Variants in KLHL3 observed in about 807,000 individuals in gnomAD.
KLHL3 encodes kelch like family member 3.
A neutral mutation model predicts 70.5 loss-of-function variants in KLHL3; 19 were observed. That is an observed-to-expected ratio of 0.27 (90% CI 0.19 to 0.40). The LOEUF (loss-of-function observed/expected upper bound fraction) is 0.40, where lower values mean the gene tolerates loss of function less well. KLHL3 is among the 10% of genes least tolerant of loss of function. The pLI is 1.00. For synonymous variants in KLHL3, 258 were observed against 290.3 expected, an observed-to-expected ratio of 0.89 and a Z score of 1.13; for missense variants, 512 against 771.1, an observed-to-expected ratio of 0.66 and a Z score of 3.98.
At chr5:137,678,409 A>G (rs1161659867) in intron 5 of KLHL3, among the ~76,000 whole-genome samples, 2 of 152,218 alleles carry the variant, frequency 1.3e-5, no homozygotes, top group African/African-American at 4.8e-5. Context: ...TCATCCTGCT[A>G]TTAGAGAATT....
intron 3 of KLHL3, chr5:137,707,516 T>C (rs1752708581): frequency 6.5e-6 from 1 of 154,102 alleles, no homozygotes; most frequent in Admixed American, 6.5e-5. Flanking sequence ...TTTATAAATA[T>C]AAAATCTAAA....
At chr5:137,655,166 A>G (rs2149894298) in intron 8 of KLHL3, among the ~76,000 whole-genome samples, 1 of 152,374 alleles carries the variant, frequency 6.6e-6, no homozygotes, top group South Asian at 2.1e-4. Context: ...TGTCACAGAC[A>G]GAAGACCAGC....
intron 8 of KLHL3, among the ~76,000 whole-genome samples, chr5:137,655,711 C>CA (rs1223076879): frequency 6.6e-6 from 1 of 152,152 alleles, no homozygotes; most frequent in Non-Finnish European, 1.5e-5. Context: ...AGGCCAGGCA[C>CA]AGTGGCTCAC....
intron 1 of KLHL3, among the ~76,000 whole-genome samples, chr5:137,723,207 T>C (rs1753030718): frequency 6.6e-6 from 1 of 152,234 alleles, no homozygotes; most frequent in Admixed American, 6.5e-5. Context: ...GTCTGATATC[T>C]GACAGGGAAA....
At chr5:137,697,827 C>T (rs2149921650) in intron 4 of KLHL3, among the ~76,000 whole-genome samples, 1 of 152,258 alleles carries the variant, frequency 6.6e-6, no homozygotes, top group African/African-American at 2.4e-5. Context: ...GCAAAGAGAG[C>T]TGGTTCCAAT....
chr5:137,711,916 G>A (rs1250281769), intron 2 of KLHL3, among the ~76,000 whole-genome samples: 1 of 151,886 alleles, frequency 6.6e-6, no homozygotes, highest in African/African-American at 2.4e-5. Context: ...CACTTTGGGA[G>A]GCTGAGGAAG....
At chr5:137,640,682 T>C (rs1241469996) in intron 8 of KLHL3, among the ~76,000 whole-genome samples, 1 of 151,752 alleles carries the variant, frequency 6.6e-6, no homozygotes, top group African/African-American at 2.4e-5. Flanking sequence ...CAGCTAAGAG[T>C]GTAGGCAGAG....
chr5:137,654,408 G>A (rs1473607264), intron 8 of KLHL3, among the ~76,000 whole-genome samples: 1 of 152,136 alleles, frequency 6.6e-6, no homozygotes. Context: ...TACTTAACTG[G>A]GCAAATTTCT....
In KLHL3 at chr5:137,620,725, C is replaced by T. The variant is rs1750273187; in HGVS notation, c.*1373G>A. ...TTAATAATTTTTACCTGTGAATTAG[C>T]AAAGCTCTCACCAAGCTCCCTTTTT... On this transcript the variant is annotated 3_prime_UTR_variant, in exon 15 of 15. Transcript: ENST00000309755. 6.6e-6 allele frequency: 1 copy of T among 152,180 alleles called. No individual in the cohort carries two copies. Among genetic ancestry groups the T allele is most frequent in the Non-Finnish European group, 1.5e-5 (1 of 68,032 alleles). The allele number at this position is 152,180 out of a possible 1,614,324, so 9.4% of individuals were successfully genotyped here.
intron 10 of KLHL3, 25 bp from the exon 11 acceptor site, chr5:137,637,420 C>T (rs1750796091): frequency 2.5e-6 from 4 of 1,603,628 alleles, no homozygotes; most frequent in East Asian, 4.5e-5. Flanking sequence ...ACTCATGAGA[C>T]TTCCGTGGCA....
chr5:137,655,207 A>T (rs1454916657), intron 8 of KLHL3, among the ~76,000 whole-genome samples: 1 of 152,238 alleles, frequency 6.6e-6, no homozygotes, highest in African/African-American at 2.4e-5. Flanking sequence ...AAGGCTAAAT[A>T]AAAAGCAGCA....
chr5:137,720,544 C>T lies in KLHL3; in HGVS notation c.55G>A (p.Asp19Asn), dbSNP rs1412174042. 6.2e-7 allele frequency: 1 copy of T among 1,614,160 alleles called. No individual in the cohort carries two copies. The highest frequency in any genetic ancestry group is 1.7e-5 in the Admixed American group (1 of 60,022). Residue 19 changes from aspartate (D) to asparagine (N), a missense_variant, in exon 2 of 15, where the codon GAT becomes AAT. Physicochemically the swap from Asp to Asn is conservative, Grantham distance 23. Coordinates refer to ENST00000309755, the MANE Select transcript of KLHL3 (RefSeq NM_017415.3). ...GTGATCGTCCTCTGGTTCTTCTCAT[C>T]ATCCCCAGCCTGTATCAGAGTCTGG... ...SSQTLIQAGD[D>N]EKNQRTITVN...
At position 137,640,005 on chromosome 5, in the gene KLHL3, G is replaced by A. The variant is rs201109300; in HGVS notation, c.904-28C>T. ...CCGGAGAGACAAGTGGACGTTAGCGGGGTCACCCCAAAATCTGGATTTATG... is the reference window on the plus strand; with the variant it reads ...CCGGAGAGACAAGTGGACGTTAGCGAGGTCACCCCAAAATCTGGATTTATG... On this transcript the variant is annotated intron_variant, in intron 8 of 14. Coordinates refer to ENST00000309755, the MANE Select transcript of KLHL3 (RefSeq NM_017415.3). 49 of 1,587,942 alleles carry A rather than the reference G, an allele frequency of 3.1e-5. No homozygotes were observed. The South Asian group carries it at 5.3e-4, about 17-fold the overall frequency.
In KLHL3 at chr5:137,622,142, G is replaced by A; in HGVS notation, c.1736-16C>T. ...ACGGCAACACCTAATAAGAAAGGGG[G>A]AGAAAGTTATCATCTTAGCTTCTCC... On this transcript the variant is annotated splice_polypyrimidine_tract_variant and intron_variant, in intron 14 of 14. Transcript: ENST00000309755. 1 of 1,614,164 alleles carries A rather than the reference G, an allele frequency of 6.2e-7. No individual in the cohort carries two copies. Among genetic ancestry groups the A allele is most frequent in the Non-Finnish European group, 8.5e-7 (1 of 1,179,982 alleles).
chr5:137,721,443 C>T (rs2149935700), intron 1 of KLHL3: 1 of 152,336 alleles, frequency 6.6e-6, no homozygotes, highest in African/African-American at 2.4e-5. Context: ...GGACAGAAAG[C>T]AGGTAAACAA....
At chr5:137,644,322 G>A (rs908279802) in intron 8 of KLHL3, among the ~76,000 whole-genome samples, 11 of 152,200 alleles carry the variant, frequency 7.2e-5, no homozygotes, top group Non-Finnish European at 1.5e-4. Context: ...CACTCGCCTC[G>A]GCCTCCCAAA....
At chr5:137,718,241 A>T (rs1193071547) in intron 2 of KLHL3, among the ~76,000 whole-genome samples, 2 of 152,274 alleles carry the variant, frequency 1.3e-5, no homozygotes, top group Admixed American at 1.3e-4. Flanking sequence ...ACTGTTAGAG[A>T]TGGCTAAATC....
intron 6 of KLHL3, chr5:137,671,797 G>A (rs1295383703): frequency 6.6e-6 from 1 of 152,180 alleles, no homozygotes; most frequent in African/African-American, 2.4e-5. Context: ...AAGAAGGTAG[G>A]TGCCCTTCCC....
chr5:137,715,842 GT>G (rs1202438440), intron 2 of KLHL3, among the ~76,000 whole-genome samples: 4 of 152,182 alleles, frequency 2.6e-5, no homozygotes, highest in Admixed American at 2.6e-4. Flanking sequence ...TGTTGTCACT[GT>G]TTTAAGCACT....
Sources: allele counts gnomAD v4.1 joint callset (sites outside exome capture counted in the v4.1 genomes callset), GRCh38; gene constraint gnomAD v4.1.1; transcripts MANE v1.5; gene names NCBI Gene and HGNC (gene_info 2026-07-23, HGNC 2026-07-21).